Variants in ERBB4 observed in about 807,000 individuals in gnomAD.
ERBB4 encodes receptor tyrosine-protein kinase erbB-4.
ERBB4 carries 42 observed loss-of-function variants against 158.0 expected under a neutral mutation model. That is an observed-to-expected ratio of 0.27 (90% CI 0.21 to 0.34). ERBB4 has a LOEUF of 0.34. ERBB4 is among the 10% of genes least tolerant of loss of function. The probability of loss-of-function intolerance (pLI) is 1.00; values close to 1 mark genes in which losing one functional copy is unlikely to be tolerated. For missense variants in ERBB4, 1,333 were observed against 1,624.1 expected (o/e 0.82, Z 3.08); for synonymous variants, 583 against 558.7 (o/e 1.04, Z -0.61).
chr2:211,943,239 G>T (rs1412965528), intron 3 of ERBB4, among the ~76,000 whole-genome samples: 3 of 151,946 alleles, frequency 2.0e-5, no homozygotes, highest in South Asian at 4.2e-4. Context: ...TCCTTTTAGG[G>T]TTTGGCCAGA....
intron 5 of ERBB4, among the ~76,000 whole-genome samples, chr2:211,740,015 CT>C (rs1020750817): frequency 5.9e-5 from 9 of 152,090 alleles, no homozygotes; most frequent in Admixed American, 5.2e-4. Context: ...CAGAATCTGT[CT>C]TTTTTTCTGT....
chr2:212,327,900 A>G (rs1483174133), intron 1 of ERBB4, among the ~76,000 whole-genome samples: 1 of 151,376 alleles, frequency 6.6e-6, no homozygotes, highest in Admixed American at 6.6e-5. Context: ...TAAGGCATAG[A>G]TACTCTTTCT....
chr2:211,717,126 C>T (rs1362244099), intron 7 of ERBB4, among the ~76,000 whole-genome samples: 1 of 152,130 alleles, frequency 6.6e-6, no homozygotes, highest in East Asian at 1.9e-4. Flanking sequence ...CAAAAAAACT[C>T]CAAGAAAGCA....
chr2:212,157,779 G>C (rs927664545), intron 1 of ERBB4, among the ~76,000 whole-genome samples: 1 of 152,054 alleles, frequency 6.6e-6, no homozygotes, highest in East Asian at 1.9e-4. Flanking sequence ...GGAAATATTC[G>C]TTTAATGAAT....
chr2:212,146,207 T>C (rs994574919), intron 1 of ERBB4, among the ~76,000 whole-genome samples: 4 of 152,354 alleles, frequency 2.6e-5, no homozygotes, highest in South Asian at 4.1e-4. Context: ...GTTTCAGTTA[T>C]ATGTTTAGAT....
At chr2:212,257,303 T>C (rs2084774578) in intron 1 of ERBB4, among the ~76,000 whole-genome samples, 1 of 152,140 alleles carries the variant, frequency 6.6e-6, no homozygotes, top group Non-Finnish European at 1.5e-5. Context: ...TTAAATAAGC[T>C]TGAACTTCAT....
chr2:211,705,033 T>C (rs1333919619), intron 10 of ERBB4, among the ~76,000 whole-genome samples: 5 of 152,184 alleles, frequency 3.3e-5, no homozygotes, highest in Non-Finnish European at 7.3e-5. Context: ...CTTGGCTCAC[T>C]GCAATCTCCA....
intron 1 of ERBB4, among the ~76,000 whole-genome samples, chr2:212,453,673 T>G (rs1317169778): frequency 6.6e-6 from 1 of 152,202 alleles, no homozygotes; most frequent in Non-Finnish European, 1.5e-5. Flanking sequence ...CAGGGTCTTT[T>G]GTTATTGTTG....
intron 15 of ERBB4, among the ~76,000 whole-genome samples, chr2:211,664,570 T>C (rs1334257483): frequency 6.6e-6 from 1 of 152,240 alleles, no homozygotes; most frequent in Non-Finnish European, 1.5e-5. Context: ...ATTTGTTAGA[T>C]GAATGACATT....
chr2:212,020,272 T>TA (rs1024553831), intron 2 of ERBB4, among the ~76,000 whole-genome samples: 2 of 151,720 alleles, frequency 1.3e-5, no homozygotes, highest in East Asian at 1.9e-4. Context: ...CTTTTCTCTC[T>TA]AAAAAAAATA....
At position 212,376,272 on chromosome 2, in the gene ERBB4, A is replaced by C. The variant is rs554795353; in HGVS notation, c.82+162177T>G. 2.6e-5 allele frequency among the ~76,000 whole-genome samples: 4 copies of C among 152,176 alleles called. No homozygotes were observed. The East Asian group carries it at 7.7e-4, about 29-fold the overall frequency. ...ATTTTCCAGTATGACCCAGAAGACAAAGCACATTCAATGCAATGGCTACCA... is the reference window on the plus strand; with the variant it reads ...ATTTTCCAGTATGACCCAGAAGACACAGCACATTCAATGCAATGGCTACCA... On this transcript the variant is annotated intron_variant, in intron 1 of 27. Transcript: ENST00000342788.
At chr2:212,282,727 G>A (rs1392799368) in intron 1 of ERBB4, among the ~76,000 whole-genome samples, 1 of 151,902 alleles carries the variant, frequency 6.6e-6, no homozygotes, top group African/African-American at 2.4e-5. Context: ...TCCAGGGAAA[G>A]TGCCTGGGAA....
At chr2:211,493,328 A>T (rs1294409378) in intron 20 of ERBB4, among the ~76,000 whole-genome samples, 1 of 152,096 alleles carries the variant, frequency 6.6e-6, no homozygotes, top group African/African-American at 2.4e-5. Context: ...CCAATTTAAT[A>T]TATTGAACAG....
intron 2 of ERBB4, among the ~76,000 whole-genome samples, chr2:212,097,618 C>G (rs1331996840): frequency 6.6e-6 from 1 of 152,038 alleles, no homozygotes; most frequent in African/African-American, 2.4e-5. Flanking sequence ...ACCATACTAT[C>G]AATATTTAAA....
chr2:211,536,125 T>C (rs377557926), intron 20 of ERBB4, among the ~76,000 whole-genome samples: 1 of 151,516 alleles, frequency 6.6e-6, no homozygotes, highest in East Asian at 1.9e-4. Context: ...CTGTATTCTC[T>C]TCCTGCCCTA....
Position 212,536,513 on chromosome 2 carries a change from GAAC to G in ERBB4, c.82+1933_82+1935del, listed in dbSNP as rs561145667. Among the ~76,000 whole-genome samples the G allele has an allele frequency of 1.4e-4, 21 of 152,230 alleles. 1 individual carries two copies. In the East Asian group the frequency reaches 3.9e-3, roughly 28 times the overall value. ...AATTTCAAGTACAGAGTCACACACG[GAAC>G]AACAATGGCACGCTAATCCTCGCGC... On this transcript the variant is annotated intron_variant, in intron 1 of 27. Coordinates refer to ENST00000342788, the MANE Select transcript of ERBB4 (RefSeq NM_005235.3).
chr2:212,036,194 T>A (rs1276654991), intron 2 of ERBB4, among the ~76,000 whole-genome samples: 1 of 152,154 alleles, frequency 6.6e-6, no homozygotes, highest in Non-Finnish European at 1.5e-5. Context: ...GTTAGCCTAC[T>A]GATCCCAACA....
intron 25 of ERBB4, among the ~76,000 whole-genome samples, chr2:211,394,994 G>T (rs966242670): frequency 2.0e-5 from 3 of 151,986 alleles, no homozygotes; most frequent in African/African-American, 7.2e-5. Flanking sequence ...TAATAGAAAA[G>T]ATCACTTCCA....
chr2:211,716,250 T>A (rs2106098491), intron 7 of ERBB4, among the ~76,000 whole-genome samples: 1 of 150,010 alleles, frequency 6.7e-6, no homozygotes, highest in East Asian at 2.0e-4. Flanking sequence ...TAATCCCAGC[T>A]ACTAGGGAGA....
Sources: gnomAD v4.1 joint callset for allele counts (sites outside exome capture counted in the v4.1 genomes callset) on GRCh38, gnomAD v4.1.1 for gene constraint, MANE v1.5 for transcripts, NCBI Gene and HGNC (gene_info 2026-07-23, HGNC 2026-07-21) for gene names.